PSME4: variants seen among roughly 807,000 people sequenced by gnomAD.
PSME4 encodes the protein proteasome activator complex subunit 4.
In PSME4, 89 loss-of-function variants were observed where a neutral mutation model predicts 253.9. The observed-to-expected ratio is 0.35, with a 90% CI of 0.30 to 0.42. The LOEUF (loss-of-function observed/expected upper bound fraction) is 0.42. Ranked by LOEUF, PSME4 falls within the 10% of genes least tolerant of loss-of-function variation. The pLI is 1.00. For missense variants in PSME4, 2,014 were observed against 2,195.2 expected, an observed-to-expected ratio of 0.92 and a Z score of 1.65; for synonymous variants, 851 against 759.2, an observed-to-expected ratio of 1.12 and a Z score of -1.99.
At chr2:53,934,526 C>G in intron 8 of PSME4, 79 bp downstream of exon 8, 3 of 1,436,306 alleles carry the variant, frequency 2.1e-6, no homozygotes, top group Non-Finnish European at 2.8e-6. Flanking sequence ...TTATCAACTT[C>G]TGCGACTATC....
At chr2:53,968,209 G>A (rs915254798) in intron 1 of PSME4, among the ~76,000 whole-genome samples, 1 of 150,982 alleles carries the variant, frequency 6.6e-6, no homozygotes, top group Non-Finnish European at 1.5e-5. Flanking sequence ...CGAAAGGCAG[G>A]GATTGCAGTG....
chr2:53,966,021 G>A (rs1378183390), intron 1 of PSME4, among the ~76,000 whole-genome samples: 4 of 152,146 alleles, frequency 2.6e-5, no homozygotes, highest in East Asian at 3.9e-4. Context: ...GGTGACTCAC[G>A]CCTGTAATCC....
At position 53,896,683 on chromosome 2, in the gene PSME4, T is replaced by A. The variant is rs116603466; in HGVS notation, c.3688+121A>T. The A allele has an allele frequency of 1.1e-4, 79 of 711,994 alleles. No homozygotes were observed. The African/African-American group carries it at 1.3e-3, about 12-fold the overall frequency. The allele number at this position is 711,994 out of a possible 1,614,324, so 44.1% of individuals were successfully genotyped here. On this transcript the variant is annotated intron_variant, in intron 32 of 46. Transcript: ENST00000404125. ...CAACTGTTTCCTTCATAATATTATT[T>A]ATATTTTGTGTTAATATCCATAGAA...
Position 53,898,323 on chromosome 2 carries a change from C to T in PSME4, c.3454G>A (p.Asp1152Asn). ...NYENLVDTLLDGVEQRNLPWK... is the reference protein window; with the variant it reads ...NYENLVDTLLNGVEQRNLPWK... ...TACAGGTTTCTTTGCTCCACACCAT[C>T]TAGCAAGGTGTCTACCAAATTTTCA... Residue 1152 changes from aspartate to asparagine, a missense_variant, in exon 30 of 47, where the codon GAT becomes AAT. Asp to Asn is a conservative substitution (Grantham distance 23, BLOSUM62 1). Around this residue, in one of 4 missense-constraint regions of PSME4, gnomAD observed 989 missense variants for 1,021.1 expected, o/e 0.97. Transcript: ENST00000404125. The T allele has an allele frequency of 5.0e-6, 8 of 1,607,376 alleles. No individual in the cohort carries two copies. The highest frequency in any genetic ancestry group is 5.9e-6 in the Non-Finnish European group (7 of 1,177,464).
At chr2:53,907,806 A>T (rs765954850) in intron 24 of PSME4, among the ~76,000 whole-genome samples, 2 of 152,168 alleles carry the variant, frequency 1.3e-5, no homozygotes, top group Non-Finnish European at 2.9e-5. Flanking sequence ...CTGTTGTCTA[A>T]ACAATGAACT....
chr2:53,890,268 T>G, intron 36 of PSME4, 60 bp from the exon 37 acceptor site: 2 of 1,142,494 alleles, frequency 1.8e-6, no homozygotes, highest in Non-Finnish European at 2.6e-6. Flanking sequence ...TTTCTTCAAA[T>G]ATCTTTCTTT....
At chr2:53,921,287 C>T (rs1668303587) in intron 17 of PSME4, among the ~76,000 whole-genome samples, 183 bp from the exon 18 acceptor site, 1 of 152,048 alleles carries the variant, frequency 6.6e-6, no homozygotes, top group Non-Finnish European at 1.5e-5. Flanking sequence ...AACACATTTT[C>T]TGAGCTTAAG....
At chr2:53,879,865 G>C (rs1368109250) in intron 41 of PSME4, among the ~76,000 whole-genome samples, 1 of 150,924 alleles carries the variant, frequency 6.6e-6, no homozygotes, top group African/African-American at 2.4e-5. Flanking sequence ...ACATCAACTG[G>C]TGCGATGTCA....
intron 20 of PSME4, among the ~76,000 whole-genome samples, chr2:53,915,757 AG>A (rs1668031566): frequency 6.6e-6 from 1 of 152,208 alleles, no homozygotes; most frequent in Non-Finnish European, 1.5e-5. Context: ...GATTTATATA[AG>A]TTTAAATGTT....
At chr2:53,897,204 T>C (rs1680183619) in intron 31 of PSME4, among the ~76,000 whole-genome samples, 1 of 148,190 alleles carries the variant, frequency 6.7e-6, no homozygotes, top group Admixed American at 6.9e-5. Context: ...GTTTTCACTC[T>C]TGTTGCCCAG....
At chr2:53,908,465 C>T (rs765753197) in intron 23 of PSME4, 45 bp downstream of exon 23, 15 of 1,611,334 alleles carry the variant, frequency 9.3e-6, no homozygotes, top group East Asian at 8.9e-5. Context: ...TCAATCCAAG[C>T]TTGATCGTAT....
At chr2:53,916,672 T>C (rs1002109072) in intron 20 of PSME4, among the ~76,000 whole-genome samples, 2 of 152,224 alleles carry the variant, frequency 1.3e-5, no homozygotes, top group East Asian at 3.8e-4. Flanking sequence ...TACTAACCTA[T>C]ATTAAAATAA....
At chr2:53,966,060 C>T (rs558772141) in intron 1 of PSME4, among the ~76,000 whole-genome samples, 4 of 152,056 alleles carry the variant, frequency 2.6e-5, no homozygotes, top group South Asian at 2.1e-4. Flanking sequence ...AGATCTTGGG[C>T]GGATCATTTG....
chr2:53,924,597 T>C (rs1389778983), intron 14 of PSME4, among the ~76,000 whole-genome samples: 1 of 152,222 alleles, frequency 6.6e-6, no homozygotes, highest in Non-Finnish European at 1.5e-5. Flanking sequence ...CTGTTTTTAA[T>C]TGTAAAATTA....
In PSME4 at chr2:53,934,698, G is replaced by T. The variant is rs1171211549; in HGVS notation, c.864C>A (p.Asn288Lys). 5.0e-6 allele frequency: 8 copies of T among 1,599,254 alleles called. No individual in the cohort carries two copies. Among genetic ancestry groups the T allele is most frequent in the Non-Finnish European group, 6.0e-6 (7 of 1,167,264 alleles). The change falls in exon 8 of 47, where the codon AAC (asparagine) becomes AAA (lysine). Residue 288 changes from asparagine to lysine, a missense_variant. Transcript: ENST00000404125. ...ACACTTGACTGCTTCCCACTGGGAG[G>T]TTCAAGCTTCTCAGAATTCTTGTAA... ...KIFTRILRSL[N>K]LPVGSSQVLV...
chr2:53,943,661 T>C (rs1669561514), intron 3 of PSME4, among the ~76,000 whole-genome samples: 1 of 151,918 alleles, frequency 6.6e-6, no homozygotes, highest in African/African-American at 2.4e-5. Flanking sequence ...GCCAACATGA[T>C]GAAACCCCAT....
intron 1 of PSME4, among the ~76,000 whole-genome samples, chr2:53,954,461 G>C (rs1157286057): frequency 6.6e-6 from 1 of 152,212 alleles, no homozygotes; most frequent in Non-Finnish European, 1.5e-5. Flanking sequence ...GCAACAGAGT[G>C]AGACCCTCAT....
intron 41 of PSME4, among the ~76,000 whole-genome samples, chr2:53,876,620 A>G (rs1679134277): frequency 6.6e-6 from 1 of 151,762 alleles, no homozygotes; most frequent in African/African-American, 2.4e-5. Context: ...CATTTGGAAT[A>G]ATGATTTCCC....
Position 53,928,229 on chromosome 2 carries a change from G to A in PSME4, c.1391C>T (p.Ala464Val). The A allele has an allele frequency of 6.2e-7, 1 of 1,614,154 alleles. No individual in the cohort carries two copies. The highest frequency in any genetic ancestry group is 8.5e-7 in the Non-Finnish European group (1 of 1,180,004). Residue 464 changes from alanine (A) to valine (V), a missense_variant, in exon 11 of 47, where the codon GCC becomes GTC. Transcript: ENST00000404125. ...TCTGCCTCCTGATACCAAACTGCGG[G>A]CTACTCCAATTACACAACTTAAAGT... ...TATLSCVIGV[A>V]RSLVSGGRWF...
Sources: allele counts gnomAD v4.1 joint callset (sites outside exome capture counted in the v4.1 genomes callset), GRCh38; gene constraint gnomAD v4.1.1; regional missense constraint gnomAD v4.1.1; transcripts MANE v1.5; gene names NCBI Gene and HGNC (gene_info 2026-07-23, HGNC 2026-07-21).